PDE4B: variants seen among roughly 807,000 people sequenced by gnomAD.
PDE4B encodes phosphodiesterase 4B.
In PDE4B, 20 loss-of-function variants were observed where a neutral mutation model predicts 82.2. The ratio of observed to expected loss-of-function variants is 0.24; its 90% CI spans 0.17 to 0.35. PDE4B has a LOEUF of 0.35. PDE4B is among the 10% of genes least tolerant of loss of function. PDE4B has a pLI of 1.00. For missense variants in PDE4B, 655 were observed against 907.2 expected, an observed-to-expected ratio of 0.72 and a Z score of 3.57; for synonymous variants, 320 against 318.9, an observed-to-expected ratio of 1.00 and a Z score of -0.04.
At chr1:66,152,222 G>A (rs1049998289) in intron 3 of PDE4B, among the ~76,000 whole-genome samples, 1 of 152,142 alleles carries the variant, frequency 6.6e-6, no homozygotes, top group African/African-American at 2.4e-5. Flanking sequence ...TGCTAGGGGA[G>A]GGTAAATCCA....
At chr1:65,850,276 T>G (rs1032367283) in intron 1 of PDE4B, among the ~76,000 whole-genome samples, 1 of 151,914 alleles carries the variant, frequency 6.6e-6, no homozygotes, top group Non-Finnish European at 1.5e-5. Context: ...TTTGTATTTT[T>G]AGTAGAGATG....
intron 3 of PDE4B, among the ~76,000 whole-genome samples, chr1:66,041,276 A>G (rs1234168277): frequency 6.6e-6 from 1 of 151,900 alleles, no homozygotes; most frequent in Non-Finnish European, 1.5e-5. Flanking sequence ...TTGATTTTTT[A>G]CCATCCAGTA....
At chr1:65,963,020 G>A (rs1465479879) in intron 3 of PDE4B, among the ~76,000 whole-genome samples, 1 of 152,134 alleles carries the variant, frequency 6.6e-6, no homozygotes, top group Admixed American at 6.5e-5. Flanking sequence ...CGATTTCCAT[G>A]TTGTAAATAC....
intron 7 of PDE4B, among the ~76,000 whole-genome samples, chr1:66,314,293 C>T (rs888442693): frequency 6.6e-6 from 1 of 152,236 alleles, no homozygotes; most frequent in South Asian, 2.1e-4. Context: ...CACATTCCCT[C>T]TCCCCTCATG....
chr1:65,944,455 G>GT (rs1305801580), intron 3 of PDE4B, among the ~76,000 whole-genome samples: 6 of 151,886 alleles, frequency 4.0e-5, no homozygotes, highest in Non-Finnish European at 5.9e-5. Flanking sequence ...TTTGGTATCA[G>GT]TTTAATGCTG....
intron 3 of PDE4B, among the ~76,000 whole-genome samples, chr1:66,187,105 C>G (rs777797009): frequency 1.3e-5 from 2 of 152,132 alleles, no homozygotes; most frequent in Non-Finnish European, 2.9e-5. Flanking sequence ...TAGTTTTGGT[C>G]GTTGGTTCTG....
rs141406703 is a variant in PDE4B at position 66,286,124 on chromosome 1, T to C, written c.634+20037T>C. Among the ~76,000 whole-genome samples, 360 of 152,294 alleles carry C rather than the reference T, an allele frequency of 2.4e-3. 2 individuals are homozygous for C. The Middle Eastern group carries it at 0.037, about 16-fold the overall frequency. On this transcript the variant is annotated intron_variant, in intron 7 of 16. Transcript: ENST00000341517. Reference sequence around the variant, plus strand: ...CATGATTTTTCTTTTCCTTGGCCCATGAGTCTCCATAGAAGATGCCATGTG... The same window carrying C: ...CATGATTTTTCTTTTCCTTGGCCCACGAGTCTCCATAGAAGATGCCATGTG...
Position 66,152,111 on chromosome 1 carries a change from A to T in PDE4B, c.282-95349A>T, listed in dbSNP as rs141830167. ...TGACATCTTTTAAGAAAATACAAAA[A>T]CAATTCTGTTATGTTTTGATACATA... On this transcript the variant is annotated intron_variant, in intron 3 of 16. Coordinates refer to ENST00000341517, the MANE Select transcript of PDE4B (RefSeq NM_002600.4). Among the ~76,000 whole-genome samples, 20 of 152,272 alleles carry T rather than the reference A, an allele frequency of 1.3e-4. No individual in the cohort carries two copies. In the East Asian group the frequency reaches 3.8e-3, roughly 29 times the overall value.
chr1:66,291,364 G>T lies in PDE4B; in HGVS notation c.634+25277G>T, dbSNP rs550879992. On this transcript the variant is annotated intron_variant, in intron 7 of 16. Transcript: ENST00000341517. Reference sequence around the variant, plus strand: ...TCTAGATACTAGGCTCTTTTAACAAGTACAGTATAATGGCAAATCAGCCAA... The same window carrying T: ...TCTAGATACTAGGCTCTTTTAACAATTACAGTATAATGGCAAATCAGCCAA... 5.3e-5 allele frequency among the ~76,000 whole-genome samples: 8 copies of T among 152,226 alleles called. No homozygotes were observed. In the East Asian group the frequency reaches 1.5e-3, roughly 29 times the overall value.
intron 9 of PDE4B, among the ~76,000 whole-genome samples, chr1:66,360,967 G>T (rs1431577137): frequency 1.3e-5 from 2 of 152,144 alleles, no homozygotes; most frequent in East Asian, 3.9e-4. Context: ...TAGACTCCAG[G>T]CATGAAATAA....
At position 65,836,884 on chromosome 1, in the gene PDE4B, G is replaced by A. The variant is rs142230681; in HGVS notation, c.-71+43636G>A. Among the ~76,000 whole-genome samples the A allele has an allele frequency of 3.5e-3, 528 of 152,296 alleles. 4 individuals are homozygous for A. Among genetic ancestry groups the A allele is most frequent in the African/African-American group, 0.012 (501 of 41,572 alleles). On this transcript the variant is annotated intron_variant, in intron 1 of 16. Transcript: ENST00000341517. ...CATTCTCCATTCTTCCTTCCTATGA[G>A]AGACACTGCTTTCTTTGTTTATAGT...
chr1:66,179,091 A>G (rs1348650613), intron 3 of PDE4B, among the ~76,000 whole-genome samples: 1 of 152,136 alleles, frequency 6.6e-6, no homozygotes, highest in Non-Finnish European at 1.5e-5. Flanking sequence ...ACCTCAGGTG[A>G]TCTGCCTACC....
At chr1:65,906,323 G>A (rs1414040190) in intron 1 of PDE4B, among the ~76,000 whole-genome samples, 1 of 152,038 alleles carries the variant, frequency 6.6e-6, no homozygotes, top group African/African-American at 2.4e-5. Context: ...CTTCACTTTG[G>A]CACAGTGATA....
chr1:66,222,391 A>G (rs867699401), intron 3 of PDE4B, among the ~76,000 whole-genome samples: 2 of 152,296 alleles, frequency 1.3e-5, no homozygotes, highest in Middle Eastern at 3.4e-3. Context: ...TGTTGTGAGG[A>G]TTAAATGAGG....
At chr1:65,916,087 T>C (rs1341638280) in intron 2 of PDE4B, among the ~76,000 whole-genome samples, 1 of 152,212 alleles carries the variant, frequency 6.6e-6, no homozygotes, top group Non-Finnish European at 1.5e-5. Context: ...TTACAGAGTG[T>C]GAAGTAATTA....
intron 3 of PDE4B, among the ~76,000 whole-genome samples, chr1:66,239,933 A>G (rs541514041): frequency 1.3e-4 from 20 of 152,380 alleles, no homozygotes; most frequent in African/African-American, 4.6e-4. Context: ...TAACAAAGGA[A>G]CATTGAGAAG....
intron 3 of PDE4B, among the ~76,000 whole-genome samples, chr1:66,073,213 G>C (rs552713389): frequency 1.3e-5 from 2 of 152,060 alleles, no homozygotes; most frequent in Non-Finnish European, 2.9e-5. Context: ...GCACATCTAC[G>C]CACCTTTCTT....
At chr1:65,848,502 G>A (rs1198089178) in intron 1 of PDE4B, among the ~76,000 whole-genome samples, 1 of 152,048 alleles carries the variant, frequency 6.6e-6, no homozygotes, top group Non-Finnish European at 1.5e-5. Context: ...CAACATGTAG[G>A]CCTTTCTATT....
intron 3 of PDE4B, among the ~76,000 whole-genome samples, chr1:66,209,336 A>G (rs1649833451): frequency 6.6e-6 from 1 of 152,184 alleles, no homozygotes; most frequent in Admixed American, 6.5e-5. Flanking sequence ...TCACTGTAAA[A>G]GGCATGAGGA....
Sources: gnomAD v4.1 joint callset for allele counts (sites outside exome capture counted in the v4.1 genomes callset) on GRCh38, gnomAD v4.1.1 for gene constraint, MANE v1.5 for transcripts, NCBI Gene and HGNC (gene_info 2026-07-23, HGNC 2026-07-21) for gene names.